Variants in FER observed in about 807,000 individuals in gnomAD.
The protein encoded by FER is tyrosine-protein kinase Fer.
Under a neutral mutation model 111.0 loss-of-function variants are expected in FER, and 63 were observed. That is an observed-to-expected ratio of 0.57 (90% confidence interval 0.46 to 0.70). The LOEUF is 0.70. Ranked by LOEUF, FER falls within the 30% of genes least tolerant of loss-of-function variation. FER has a pLI of 0.00. For synonymous variants in FER, 327 were observed against 313.9 expected, an observed-to-expected ratio of 1.04 and a Z score of -0.44; for missense variants, 914 against 954.0, an observed-to-expected ratio of 0.96 and a Z score of 0.55.
intron 8 of FER, among the ~76,000 whole-genome samples, chr5:108,882,179 T>G (rs1765748717): frequency 6.6e-6 from 1 of 152,070 alleles, no homozygotes; most frequent in Admixed American, 6.6e-5. Flanking sequence ...AAGACACATT[T>G]TTAGATGGTC....
chr5:109,143,740 G>A (rs981902121), intron 17 of FER, among the ~76,000 whole-genome samples: 19 of 149,400 alleles, frequency 1.3e-4, no homozygotes, highest in Non-Finnish European at 1.9e-4. Context: ...AAGTCTTGCT[G>A]TGTGGCCCAG....
chr5:109,178,036 T>C (rs111738765), intron 17 of FER, among the ~76,000 whole-genome samples: 1 of 152,188 alleles, frequency 6.6e-6, no homozygotes, highest in Non-Finnish European at 1.5e-5. Flanking sequence ...AAGAAGAGAA[T>C]AGAGAGAAAA....
At chr5:108,977,579 A>T (rs1166017906) in intron 13 of FER, among the ~76,000 whole-genome samples, 1 of 152,184 alleles carries the variant, frequency 6.6e-6, no homozygotes, top group Non-Finnish European at 1.5e-5. Context: ...TGAACTCATT[A>T]TGTTGATTTA....
intron 17 of FER, among the ~76,000 whole-genome samples, chr5:109,145,732 G>A (rs1227679053): frequency 6.6e-6 from 1 of 152,018 alleles, no homozygotes; most frequent in African/African-American, 2.4e-5. Flanking sequence ...ATTTGTGGAA[G>A]GGAGGCTGTA....
intron 10 of FER, among the ~76,000 whole-genome samples, chr5:108,917,776 T>C (rs1213362734): frequency 6.6e-6 from 1 of 152,238 alleles, no homozygotes; most frequent in African/African-American, 2.4e-5. Flanking sequence ...AGAATGACCA[T>C]GTCTGGGAGT....
chr5:109,044,759 C>T lies in FER; in HGVS notation c.1793C>T (p.Pro598Leu), dbSNP rs1225443470. 3 of 1,586,360 alleles carry T rather than the reference C, an allele frequency of 1.9e-6. No homozygotes were observed. The highest frequency in any genetic ancestry group is 2.6e-6 in the Non-Finnish European group (3 of 1,167,680). ...GTTAAAACATGTAAAGAAGATCTTC[C>T]TCAGGAATTGAAAATAAAATTTTTA... ...VAVKTCKEDL[P>L]QELKIKFLQE... Residue 598 changes from proline to leucine, a missense_variant, in exon 15 of 20, where the codon CCT becomes CTT. Around this residue, in one of 3 missense-constraint regions of FER, gnomAD observed 774 missense variants for 782.6 expected, o/e 0.99. Coordinates refer to ENST00000281092, the MANE Select transcript of FER (RefSeq NM_005246.4).
At chr5:109,124,381 G>C (rs1442622989) in intron 17 of FER, among the ~76,000 whole-genome samples, 1 of 152,176 alleles carries the variant, frequency 6.6e-6, no homozygotes, top group African/African-American at 2.4e-5. Context: ...TTAGACTGTT[G>C]GTTCTTAAGG....
rs1172754960 is a variant in FER, at chr5:108,835,696, T to C, written c.382-12T>C. 1.3e-6 allele frequency: 2 copies of C among 1,513,098 alleles called. No individual in the cohort carries two copies. Among genetic ancestry groups the C allele is most frequent in the Non-Finnish European group, 1.8e-6 (2 of 1,118,656 alleles). 93.7% of individuals were successfully genotyped at this position (1,513,098 alleles called of 1,614,324 possible). ...CAATTTAATACATTTATGCATTTTG[T>C]TTCTTTGACAGGTTACCAAAACAGA... On this transcript the variant is annotated splice_polypyrimidine_tract_variant and intron_variant, in intron 4 of 19. Coordinates refer to ENST00000281092, the MANE Select transcript of FER (RefSeq NM_005246.4).
At position 109,080,926 on chromosome 5, in the gene FER, G is replaced by C. The variant is rs540851574; in HGVS notation, c.1925-19470G>C. ...TTGAAGTAAAGAGGGACAATGCTGG[G>C]TAGCGAGGATGGAAGACTTTTACAA... is the stretch of plus-strand genomic sequence containing the variant. On this transcript the variant is annotated intron_variant, in intron 16 of 19. Transcript: ENST00000281092. Among the ~76,000 whole-genome samples, 60 of 152,166 alleles carry C rather than the reference G, an allele frequency of 3.9e-4. 1 individual carries two copies. Among genetic ancestry groups the C allele is most frequent in the Middle Eastern group, 6.8e-3 (2 of 294 alleles).
chr5:108,797,034 C>T (rs1178985646), intron 2 of FER, among the ~76,000 whole-genome samples: 2 of 151,982 alleles, frequency 1.3e-5, no homozygotes, highest in African/African-American at 2.4e-5. Flanking sequence ...AGCGTACTAC[C>T]CGGGTATCAC....
chr5:108,932,175 C>T (rs1367188773), intron 10 of FER, among the ~76,000 whole-genome samples: 6 of 152,076 alleles, frequency 3.9e-5, no homozygotes. Context: ...TCACCTAGCC[C>T]CCTACCCCCT....
intron 10 of FER, among the ~76,000 whole-genome samples, chr5:108,941,362 C>T (rs1281710207): frequency 6.6e-6 from 1 of 152,120 alleles, no homozygotes; most frequent in African/African-American, 2.4e-5. Flanking sequence ...TTTATACAAA[C>T]TGTCTGGCCT....
At chr5:108,814,457 G>A (rs9885265) in intron 3 of FER, among the ~76,000 whole-genome samples, 6 of 152,032 alleles carry the variant, frequency 3.9e-5, no homozygotes, top group Non-Finnish European at 7.4e-5. Flanking sequence ...GGTACAATAC[G>A]TGTTTGTATA....
intron 17 of FER, among the ~76,000 whole-genome samples, chr5:109,151,004 C>T (rs1754776760): frequency 6.6e-6 from 1 of 151,726 alleles, no homozygotes; most frequent in Admixed American, 6.6e-5. Flanking sequence ...AAATATAGAC[C>T]AAGTATTTTG....
chr5:109,081,230 GTTAATC>G (rs1776953286), intron 16 of FER, among the ~76,000 whole-genome samples: 1 of 152,064 alleles, frequency 6.6e-6, no homozygotes, highest in Non-Finnish European at 1.5e-5. Context: ...ACTCAACAAA[GTTAATC>G]TTAAACGAAT....
chr5:108,870,426 TACTG>T (rs1250408105), intron 6 of FER, among the ~76,000 whole-genome samples: 1 of 152,186 alleles, frequency 6.6e-6, no homozygotes, highest in Admixed American at 6.5e-5. Context: ...ATCCCAGAGA[TACTG>T]ACTAAATCTG....
At chr5:108,970,287 C>T (rs921479197) in intron 13 of FER, among the ~76,000 whole-genome samples, 1 of 151,824 alleles carries the variant, frequency 6.6e-6, no homozygotes, top group African/African-American at 2.4e-5. Context: ...GCAATCTTGG[C>T]TCACTGCAAG....
intron 17 of FER, among the ~76,000 whole-genome samples, chr5:109,180,212 C>G (rs547082256): frequency 5.3e-5 from 8 of 152,278 alleles, no homozygotes; most frequent in South Asian, 2.1e-4. Context: ...TTGCCAAACT[C>G]TCTGGTACCT....
At chr5:108,883,558 T>C in intron 9 of FER, 40 bp downstream of exon 9, 8 of 1,504,830 alleles carry the variant, frequency 5.3e-6, no homozygotes, top group Non-Finnish European at 6.2e-6. Context: ...GAATGTTTAA[T>C]TGTAATTTTA....
Sources: gnomAD v4.1 joint callset for allele counts (sites outside exome capture counted in the v4.1 genomes callset) on GRCh38, gnomAD v4.1.1 for gene constraint, gnomAD v4.1.1 regional missense constraint, MANE v1.5 for transcripts, NCBI Gene and HGNC (gene_info 2026-07-23, HGNC 2026-07-21) for gene names.